PARVB: variants seen among roughly 807,000 people sequenced by gnomAD.
PARVB encodes the protein parvin beta, also known as beta-parvin.
In PARVB, 46 loss-of-function variants were observed where a neutral mutation model predicts 47.0. The observed-to-expected ratio is 0.98, with a 90% CI of 0.77 to 1.25. PARVB has a LOEUF of 1.25. PARVB is among the 50% of genes most tolerant of loss of function. The probability of loss-of-function intolerance (pLI) is 0.00; values close to 1 mark genes in which losing one functional copy is unlikely to be tolerated. For missense variants in PARVB, 473 were observed against 471.6 expected, an observed-to-expected ratio of 1.00 and a Z score of -0.03; for synonymous variants, 196 against 196.3, an observed-to-expected ratio of 1.00 and a Z score of 0.01.
At chr22:44,015,075 T>G (rs2050561591) in intron 2 of PARVB, among the ~76,000 whole-genome samples, 1 of 151,680 alleles carries the variant, frequency 6.6e-6, no homozygotes, top group African/African-American at 2.4e-5. Flanking sequence ...GGTCTGAAAC[T>G]CCTGGCCTCA....
intron 3 of PARVB, among the ~76,000 whole-genome samples, chr22:44,101,805 G>A (rs1421468480): frequency 6.6e-6 from 1 of 151,150 alleles, no homozygotes; most frequent in Non-Finnish European, 1.5e-5. Flanking sequence ...ACCCAAAGAT[G>A]TTGATTATTA....
intron 11 of PARVB, among the ~76,000 whole-genome samples, chr22:44,161,308 C>CTTTTTTTTTTTTTTTT (rs769442547): frequency 7.8e-6 from 1 of 128,716 alleles, no homozygotes; most frequent in Non-Finnish European, 1.6e-5. Flanking sequence ...TTTTTCTTTT[C>CTTTTTTTTTTTTTTTT]TTTTTTTTTT....
At chr22:44,140,540 A>G (rs778305773) in intron 8 of PARVB, 1 of 545,518 alleles carries the variant, frequency 1.8e-6, no homozygotes, top group Admixed American at 1.9e-5. Flanking sequence ...AGCTCTGTGG[A>G]TGTCCTTCCA....
intron 1 of PARVB, among the ~76,000 whole-genome samples, chr22:44,031,129 T>C (rs1279396205): frequency 6.6e-6 from 1 of 152,058 alleles, no homozygotes; most frequent in Non-Finnish European, 1.5e-5. Flanking sequence ...GCAGAGGCCG[T>C]CTCCGTTTGG....
intron 1 of PARVB, among the ~76,000 whole-genome samples, chr22:44,055,347 CTT>C (rs1051208654): frequency 1.4e-5 from 2 of 146,408 alleles, no homozygotes; most frequent in Non-Finnish European, 1.5e-5. Flanking sequence ...CTCTCTGTCT[CTT>C]TTTTTTTTTG....
At chr22:44,035,732 G>A (rs1359869490) in intron 1 of PARVB, among the ~76,000 whole-genome samples, 1 of 151,702 alleles carries the variant, frequency 6.6e-6, no homozygotes, top group African/African-American at 2.4e-5. Context: ...GTCCCATAGT[G>A]TTATTCAGGG....
At chr22:44,129,918 C>G (rs11704380) in intron 4 of PARVB, among the ~76,000 whole-genome samples, 24,958 of 152,204 alleles carry the variant, frequency 0.16, 2,494 homozygotes, top group Admixed American at 0.23. Context: ...TATCTGTGAG[C>G]CAACAAACGC....
chr22:44,102,826 G>T (rs373176435), intron 3 of PARVB: 1 of 152,522 alleles, frequency 6.6e-6, no homozygotes. Flanking sequence ...ACTCTAGCCT[G>T]GGTGACAGAG....
At chr22:44,047,843 C>T (rs1471477624) in intron 1 of PARVB, among the ~76,000 whole-genome samples, 1 of 152,132 alleles carries the variant, frequency 6.6e-6, no homozygotes, top group East Asian at 1.9e-4. Flanking sequence ...GTGTAATCTA[C>T]TTGTGTATGT....
intron 1 of PARVB, among the ~76,000 whole-genome samples, chr22:44,055,345 C>T (rs1461080541): frequency 6.6e-6 from 1 of 151,548 alleles, no homozygotes; most frequent in Non-Finnish European, 1.5e-5. Context: ...CTCTCTCTGT[C>T]TCTTTTTTTT....
chr22:44,065,408 C>T (rs1484660690), intron 1 of PARVB, among the ~76,000 whole-genome samples: 1 of 152,120 alleles, frequency 6.6e-6, no homozygotes, highest in Admixed American at 6.5e-5. Context: ...CCTCCTGCCT[C>T]GGCCTCCCAA....
intron 3 of PARVB, chr22:44,109,355 G>A (rs2052638195): frequency 6.6e-6 from 1 of 152,202 alleles, no homozygotes; most frequent in Non-Finnish European, 1.5e-5. Flanking sequence ...AAAAAATTCT[G>A]GTTAAAGCCA....
At chr22:44,104,324 T>C (rs2052520077) in intron 3 of PARVB, 1 of 152,234 alleles carries the variant, frequency 6.6e-6, no homozygotes, top group African/African-American at 2.4e-5. Context: ...TTTTCCAAAA[T>C]AAGCATAGAC....
intron 12 of PARVB, chr22:44,168,191 A>C (rs1444347165): frequency 1.1e-5 from 2 of 178,648 alleles, no homozygotes; most frequent in Admixed American, 5.5e-5. Flanking sequence ...GTTCTTGTCC[A>C]CATAAAGAAA....
At chr22:44,016,151 C>T (rs1164670280) in intron 2 of PARVB, among the ~76,000 whole-genome samples, 1 of 141,538 alleles carries the variant, frequency 7.1e-6, no homozygotes, top group Admixed American at 7.7e-5. Flanking sequence ...GGCTGGAGTG[C>T]AGTGGCGTGA....
At chr22:44,024,524 A>C in intron 1 of PARVB, 73 bp downstream of exon 1, 1 of 727,382 alleles carries the variant, frequency 1.4e-6, no homozygotes, top group Non-Finnish European at 1.7e-6. Flanking sequence ...CTAGAGCCCC[A>C]CGAGGCCGCC....
chr22:44,114,571 G>GCA (rs2052814898), intron 3 of PARVB: 1 of 29,086 alleles, frequency 3.4e-5, no homozygotes. Context: ...ACACAGATAT[G>GCA]TTGTTACTAA....
At chr22:44,097,023 C>T (rs879677071) in intron 2 of PARVB, among the ~76,000 whole-genome samples, 2 of 152,044 alleles carry the variant, frequency 1.3e-5, no homozygotes, top group African/African-American at 2.4e-5. Flanking sequence ...TGTGGTGTCC[C>T]GGGACTGTGG....
chr22:44,144,936 GCCC>G (rs36075760), intron 8 of PARVB: 2 of 152,122 alleles, frequency 1.3e-5, no homozygotes, highest in Non-Finnish European at 2.9e-5. Flanking sequence ...AGGTCGGTTG[GCCC>G]CCCGTCTGGC....
Sources: allele counts gnomAD v4.1 joint callset (sites outside exome capture counted in the v4.1 genomes callset), GRCh38; gene constraint gnomAD v4.1.1; transcripts MANE v1.5; gene names NCBI Gene and HGNC (gene_info 2026-07-23, HGNC 2026-07-21).